EHMT1: variants seen among roughly 807,000 people sequenced by gnomAD.
EHMT1 encodes euchromatic histone lysine methyltransferase 1.
EHMT1 carries 15 observed loss-of-function variants against 147.2 expected under a neutral mutation model. The ratio of observed to expected loss-of-function variants is 0.10; its 90% confidence interval spans 0.07 to 0.16. EHMT1 has a LOEUF of 0.16. Ranked by LOEUF, EHMT1 falls within the 10% of genes least tolerant of loss-of-function variation. EHMT1 has a pLI of 1.00. For missense variants in EHMT1, 1,587 were observed against 1,772.4 expected (o/e 0.90, Z 1.88); for synonymous variants, 795 against 709.6 (o/e 1.12, Z -1.91).
At chr9:137,735,644 A>C (rs1039502866) in intron 4 of EHMT1, among the ~76,000 whole-genome samples, 1 of 152,220 alleles carries the variant, frequency 6.6e-6, no homozygotes, top group African/African-American at 2.4e-5. Flanking sequence ...ACCAAAGCTC[A>C]TGTTGAAATG....
chr9:137,755,057 C>A (rs1431426882), intron 8 of EHMT1, among the ~76,000 whole-genome samples: 1 of 152,180 alleles, frequency 6.6e-6, no homozygotes, highest in Admixed American at 6.5e-5. Flanking sequence ...TGCCAAGGGC[C>A]GTTTTTGTTT....
At chr9:137,631,141 T>G (rs766358905) in intron 1 of EHMT1, among the ~76,000 whole-genome samples, 3 of 152,108 alleles carry the variant, frequency 2.0e-5, no homozygotes, top group African/African-American at 4.8e-5. Flanking sequence ...TCCCACCACT[T>G]TGGGAGGCCG....
chr9:137,638,854 T>C (rs933102420), intron 1 of EHMT1, among the ~76,000 whole-genome samples: 12 of 151,142 alleles, frequency 7.9e-5, no homozygotes, highest in Non-Finnish European at 1.6e-4. Flanking sequence ...AGCCAAGGAG[T>C]GTCAGGGACG....
Position 137,631,317 on chromosome 9 carries a change from G to A in EHMT1, c.21+12268G>A, listed in dbSNP as rs539175527. ...TGAGGCAGGAGAATCGCTTGAACCCGGGAGGTGGAGGTTGCAGTGACCTGA... is the reference window on the plus strand; with the variant it reads ...TGAGGCAGGAGAATCGCTTGAACCCAGGAGGTGGAGGTTGCAGTGACCTGA... On this transcript the variant is annotated intron_variant, in intron 1 of 26. Transcript: ENST00000460843. Among the ~76,000 whole-genome samples, 24 of 151,492 alleles carry A rather than the reference G, an allele frequency of 1.6e-4. 1 individual carries two copies. In the South Asian group the frequency reaches 4.8e-3, roughly 30 times the overall value.
chr9:137,750,078 A>G (rs1218621049), intron 6 of EHMT1, among the ~76,000 whole-genome samples: 1 of 152,252 alleles, frequency 6.6e-6, no homozygotes, highest in Non-Finnish European at 1.5e-5. Flanking sequence ...GAATATACTC[A>G]TCCATCTGAA....
intron 25 of EHMT1, among the ~76,000 whole-genome samples, chr9:137,822,765 T>TGC (rs1955518459): frequency 6.6e-6 from 1 of 151,926 alleles, no homozygotes; most frequent in Non-Finnish European, 1.5e-5. Flanking sequence ...TGGTGGCGCA[T>TGC]GCCTGTAATC....
intron 1 of EHMT1, among the ~76,000 whole-genome samples, chr9:137,670,062 G>T (rs1365848103): frequency 6.6e-6 from 1 of 152,140 alleles, no homozygotes; most frequent in Non-Finnish European, 1.5e-5. Flanking sequence ...GTTTCACCTT[G>T]TTGGCCAGGC....
chr9:137,655,375 ACCT>A (rs1938332364), intron 1 of EHMT1, among the ~76,000 whole-genome samples: 1 of 151,804 alleles, frequency 6.6e-6, no homozygotes, highest in Admixed American at 6.6e-5. Context: ...CTTAAAAAAG[ACCT>A]CCTTACTGCC....
chr9:137,627,698 C>T (rs1455799385), intron 1 of EHMT1, among the ~76,000 whole-genome samples: 3 of 150,700 alleles, frequency 2.0e-5, no homozygotes, highest in African/African-American at 7.3e-5. Flanking sequence ...CTGGTATAAG[C>T]TGGATTTTTT....
intron 16 of EHMT1, among the ~76,000 whole-genome samples, chr9:137,792,534 G>C (rs1481554235): frequency 6.6e-6 from 1 of 152,046 alleles, no homozygotes; most frequent in Non-Finnish European, 1.5e-5. Flanking sequence ...GTGAAACCCG[G>C]TCTCTACTAA....
intron 3 of EHMT1, among the ~76,000 whole-genome samples, chr9:137,725,739 CACAG>C (rs373491436): frequency 2.6e-5 from 4 of 152,092 alleles, no homozygotes; most frequent in South Asian, 2.1e-4. Context: ...GGGAAACAGA[CACAG>C]ACAGAGTGCG....
chr9:137,705,734 G>C (rs1005237551), intron 1 of EHMT1, among the ~76,000 whole-genome samples: 2 of 152,206 alleles, frequency 1.3e-5, no homozygotes, highest in Non-Finnish European at 2.9e-5. Flanking sequence ...GTCCTCCCAG[G>C]GTAGGTTTGG....
At chr9:137,650,306 C>A (rs2133938433) in intron 1 of EHMT1, among the ~76,000 whole-genome samples, 1 of 152,170 alleles carries the variant, frequency 6.6e-6, no homozygotes, top group South Asian at 2.1e-4. Flanking sequence ...ACCATGTTGC[C>A]CAGGCTATTC....
At chr9:137,687,504 A>C (rs533756292) in intron 1 of EHMT1, among the ~76,000 whole-genome samples, 1 of 152,256 alleles carries the variant, frequency 6.6e-6, no homozygotes, top group African/African-American at 2.4e-5. Context: ...GGTAGAGTTC[A>C]GGTAGAGTTT....
At chr9:137,662,570 G>A (rs964748365) in intron 1 of EHMT1, among the ~76,000 whole-genome samples, 3 of 152,118 alleles carry the variant, frequency 2.0e-5, no homozygotes, top group African/African-American at 7.2e-5. Context: ...CATGATCTCA[G>A]CTCACTGCAA....
chr9:137,706,048 G>A (rs992456711), intron 1 of EHMT1, among the ~76,000 whole-genome samples: 1 of 152,158 alleles, frequency 6.6e-6, no homozygotes, highest in East Asian at 1.9e-4. Context: ...TGTGCGTTGG[G>A]GGGTTGGGGG....
intron 3 of EHMT1, among the ~76,000 whole-genome samples, chr9:137,718,141 G>A (rs1266275779): frequency 6.8e-6 from 1 of 147,182 alleles, no homozygotes; most frequent in East Asian, 2.0e-4. Context: ...GGGCGCGCCT[G>A]CCCCTCACAC....
intron 1 of EHMT1, among the ~76,000 whole-genome samples, chr9:137,653,777 G>T (rs556389254): frequency 1.3e-5 from 2 of 152,138 alleles, no homozygotes; most frequent in Non-Finnish European, 2.9e-5. Flanking sequence ...GCCTGCCTCG[G>T]CCTCCCAAAG....
chr9:137,643,187 G>T (rs1844618920), intron 1 of EHMT1, among the ~76,000 whole-genome samples: 1 of 150,940 alleles, frequency 6.6e-6, no homozygotes, highest in African/African-American at 2.4e-5. Flanking sequence ...CCTGGCCTTG[G>T]TGCTCTCTAT....
Sources: gnomAD v4.1 joint callset for allele counts (sites outside exome capture counted in the v4.1 genomes callset) on GRCh38, gnomAD v4.1.1 for gene constraint, MANE v1.5 for transcripts, NCBI Gene and HGNC (gene_info 2026-07-23, HGNC 2026-07-21) for gene names.